The following ABLIM2 variants were observed in gnomAD, a reference collection of about 807,000 sequenced individuals.
ABLIM2 encodes the protein actin-binding LIM protein 2.
ABLIM2 carries 53 observed loss-of-function variants against 97.7 expected under a neutral mutation model. The observed-to-expected ratio is 0.54, with a 90% CI of 0.44 to 0.68. The LOEUF is 0.68. Ranked by LOEUF, ABLIM2 falls within the 30% of genes least tolerant of loss-of-function variation. ABLIM2 has a pLI of 0.00. For synonymous variants in ABLIM2, 361 were observed against 345.8 expected (o/e 1.04, Z -0.49); for missense variants, 835 against 867.2 (o/e 0.96, Z 0.47).
chr4:8,005,619 A>G lies in ABLIM2; in HGVS notation c.1618+2440T>C, dbSNP rs1018695726. 6.6e-6 allele frequency among the ~76,000 whole-genome samples: 1 copy of G among 152,110 alleles called. No homozygotes were observed. Among genetic ancestry groups the G allele is most frequent in the Non-Finnish European group, 1.5e-5 (1 of 68,028 alleles). On this transcript the variant is annotated intron_variant, in intron 16 of 20. Coordinates refer to ENST00000447017, the MANE Select transcript of ABLIM2 (RefSeq NM_001130083.2). This position sits in a 1 kb window ranked among gnomAD's most constrained non-coding sequence, Gnocchi z 4.9. ...CCCCTTCCCGCCTGGATTCCTCAGG[A>G]GGCCGCAGACGGCAAGGCTCACCTG...
intron 7 of ABLIM2, among the ~76,000 whole-genome samples, chr4:8,059,431 G>T (rs1801424370): frequency 6.6e-6 from 1 of 152,134 alleles, no homozygotes; most frequent in African/African-American, 2.4e-5. Flanking sequence ...GCACCAGGAA[G>T]ATGAGGATGA....
intron 2 of ABLIM2, 72 bp from the exon 3 acceptor site, chr4:8,097,354 A>G: frequency 1.3e-6 from 2 of 1,504,642 alleles, no homozygotes; most frequent in Non-Finnish European, 1.8e-6. Flanking sequence ...CCCGAGGTGC[A>G]CCCCCCTCCA....
In ABLIM2 at chr4:8,028,578, CTCAT is replaced by C. The variant is rs1010503989; in HGVS notation, c.1169-725_1169-722del. Among the ~76,000 whole-genome samples, 6 of 152,334 alleles carry C rather than the reference CTCAT, an allele frequency of 3.9e-5. No homozygotes were observed. In the East Asian group the frequency reaches 5.8e-4, roughly 15 times the overall value. On this transcript the variant is annotated intron_variant, in intron 11 of 20. Coordinates refer to ENST00000447017, the MANE Select transcript of ABLIM2 (RefSeq NM_001130083.2). ...ATTCACTCATTCACTTGCTCACTCA[CTCAT>C]TCAATCACTCATTCACTCACTCACT...
At position 7,970,262 on chromosome 4, in the gene ABLIM2, T is replaced by A. The variant is rs1726732838; in HGVS notation, c.1825-3159A>T. Among the ~76,000 whole-genome samples, 1 of 152,050 alleles carries A rather than the reference T, an allele frequency of 6.6e-6. No homozygotes were observed. Reference sequence around the variant, plus strand: ...AAGGGCGAGGAGAGTTCAGTGCTGGTGCCTGGGGCAGGCCTCCCTGTGGCC... The same window carrying A: ...AAGGGCGAGGAGAGTTCAGTGCTGGAGCCTGGGGCAGGCCTCCCTGTGGCC... On this transcript the variant is annotated intron_variant, in intron 20 of 20. Transcript: ENST00000447017. The surrounding 1 kb of genome is among the most constrained non-coding windows in gnomAD (Gnocchi z 5.3).
rs768462513 is a variant in ABLIM2 at position 8,036,169 on chromosome 4, C to A, written c.1027G>T (p.Asp343Tyr). The A allele has an allele frequency of 6.8e-6, 11 of 1,613,708 alleles. No homozygotes were observed. In the Admixed American group the frequency reaches 1.2e-4, roughly 17 times the overall value. The change falls in exon 10 of 21, where the codon GAC becomes TAC. Residue 343 changes from aspartate (D) to tyrosine (Y), a missense_variant. Asp to Tyr is a radical substitution (Grantham distance 160). Transcript: ENST00000447017. ...YSPYISHSAGDRQSYGEGDQD... is the reference protein window; with the variant it reads ...YSPYISHSAGYRQSYGEGDQD... ...CATACCTCGCCGTAGCTCTGCCTGT[C>A]CCCTGCAGAGTGGCTGATGTAGGGT...
chr4:8,099,123 T>C (rs1210862375), intron 2 of ABLIM2, among the ~76,000 whole-genome samples: 1 of 152,216 alleles, frequency 6.6e-6, no homozygotes, highest in Non-Finnish European at 1.5e-5. Context: ...CTCTGGCTCA[T>C]GAAAATCCAG....
Position 8,124,650 on chromosome 4 carries a change from T to C in ABLIM2, c.11-18013A>G, listed in dbSNP as rs534031207. ...AGACAGACCCTATTTGGCTCATCCATTAGTCAGTGGATGAACTTTGGGGCT... is the reference window on the plus strand; with the variant it reads ...AGACAGACCCTATTTGGCTCATCCACTAGTCAGTGGATGAACTTTGGGGCT... On this transcript the variant is annotated intron_variant, in intron 1 of 20. Transcript: ENST00000447017. The surrounding 1 kb of genome is among the most constrained non-coding windows in gnomAD (Gnocchi z 6.1). Among the ~76,000 whole-genome samples, 10 of 152,362 alleles carry C rather than the reference T, an allele frequency of 6.6e-5. No homozygotes were observed. The highest frequency in any genetic ancestry group is 1.3e-4 in the Non-Finnish European group (9 of 68,028).
At chr4:8,106,771 C>A (rs997303321) in intron 1 of ABLIM2, 134 bp from the exon 2 acceptor site, 14 of 1,131,620 alleles carry the variant, frequency 1.2e-5, no homozygotes, top group Non-Finnish European at 1.7e-5. Context: ...CCGCACGGGG[C>A]ATCGGGGTCG....
chr4:8,102,663 G>A (rs978708072), intron 2 of ABLIM2, among the ~76,000 whole-genome samples: 1 of 152,204 alleles, frequency 6.6e-6, no homozygotes, highest in African/African-American at 2.4e-5. Flanking sequence ...ACGGACAAGA[G>A]GATAATCATA....
intron 17 of ABLIM2, among the ~76,000 whole-genome samples, chr4:7,985,096 T>C (rs28712356): frequency 0.17 from 26,162 of 152,102 alleles, 2,920 homozygotes; most frequent in East Asian, 0.4. Flanking sequence ...GCTGTGCCCG[T>C]GGGACTGGCC....
Position 8,019,562 on chromosome 4 carries a change from T to C in ABLIM2, c.1423+56A>G, listed in dbSNP as rs1442691119. On this transcript the variant is annotated intron_variant, in intron 14 of 20. Transcript: ENST00000447017. This position sits in a 1 kb window ranked among gnomAD's most constrained non-coding sequence, Gnocchi z 4.3. ...ACAAAAGGATGCATTCAGAAGCAGATGGGTATTGACAGGCATGCGGGGCAA... is the reference window on the plus strand; with the variant it reads ...ACAAAAGGATGCATTCAGAAGCAGACGGGTATTGACAGGCATGCGGGGCAA... The C allele has an allele frequency of 1.3e-6, 2 of 1,513,814 alleles. No homozygotes were observed. Among genetic ancestry groups the C allele is most frequent in the Non-Finnish European group, 1.8e-6 (2 of 1,104,422 alleles). 93.8% of individuals were successfully genotyped at this position (1,513,814 alleles called of 1,614,324 possible).
intron 1 of ABLIM2, among the ~76,000 whole-genome samples, chr4:8,134,477 A>G (rs1022925986): frequency 2.0e-5 from 3 of 152,222 alleles, no homozygotes; most frequent in African/African-American, 7.2e-5. Context: ...CCCGTCGGCA[A>G]GAAGAACGCA....
At chr4:8,151,125 A>G (rs945014021) in intron 1 of ABLIM2, among the ~76,000 whole-genome samples, 1 of 152,152 alleles carries the variant, frequency 6.6e-6, no homozygotes, top group African/African-American at 2.4e-5. Context: ...GCTTGGAGAA[A>G]CACACAACTA....
At chr4:8,093,911 G>C (rs1830128328) in intron 3 of ABLIM2, among the ~76,000 whole-genome samples, 1 of 152,148 alleles carries the variant, frequency 6.6e-6, no homozygotes, top group Admixed American at 6.5e-5. Context: ...TTTGCAAAAT[G>C]TTCAGCAATT....
chr4:7,987,144 T>C (rs1018623352), intron 17 of ABLIM2, among the ~76,000 whole-genome samples: 3 of 152,126 alleles, frequency 2.0e-5, no homozygotes, highest in Non-Finnish European at 4.4e-5. Flanking sequence ...ACTTGGCTAA[T>C]TTTTGTATTT....
In ABLIM2 at chr4:7,965,483, G is replaced by C. The variant is rs763034198; in HGVS notation, c.*1507C>G. The C allele has an allele frequency of 6.6e-6, 1 of 152,600 alleles. No homozygotes were observed. Among genetic ancestry groups the C allele is most frequent in the Non-Finnish European group, 1.5e-5 (1 of 68,044 alleles). 9.5% of individuals were successfully genotyped at this position (152,600 alleles called of 1,614,324 possible). ...CTCCCCCTCCCTAGCCGAGCTGGGC[G>C]GGTGAGAAGCCGAGTGCGAAACGGG... On this transcript the variant is annotated 3_prime_UTR_variant, in exon 21 of 21. Coordinates refer to ENST00000447017, the MANE Select transcript of ABLIM2 (RefSeq NM_001130083.2).
intron 14 of ABLIM2, among the ~76,000 whole-genome samples, chr4:8,012,117 T>C (rs1373038168): frequency 6.7e-6 from 1 of 149,614 alleles, no homozygotes; most frequent in African/African-American, 2.5e-5. Flanking sequence ...CATCCACCCA[T>C]CCTTCACCCA....
intron 8 of ABLIM2, among the ~76,000 whole-genome samples, chr4:8,050,489 A>C (rs988664765): frequency 6.6e-6 from 1 of 152,134 alleles, no homozygotes; most frequent in Non-Finnish European, 1.5e-5. Context: ...AGGGTCCTGG[A>C]GTCCCCCAGG....
At chr4:8,138,569 A>G (rs1261187687) in intron 1 of ABLIM2, among the ~76,000 whole-genome samples, 1 of 152,194 alleles carries the variant, frequency 6.6e-6, no homozygotes, top group African/African-American at 2.4e-5. Context: ...TAGACCACAC[A>G]TACACAACCA....
Sources: gnomAD v4.1 joint callset for allele counts (sites outside exome capture counted in the v4.1 genomes callset) on GRCh38, gnomAD v4.1.1 for gene constraint, Gnocchi (gnomAD v3.1) non-coding constraint, MANE v1.5 for transcripts, NCBI Gene and HGNC (gene_info 2026-07-23, HGNC 2026-07-21) for gene names.